Variants in CTNNA3 observed in about 807,000 individuals in gnomAD.
The protein encoded by CTNNA3 is catenin alpha 3, also known as catenin alpha-3.
Under a neutral mutation model 95.7 loss-of-function variants are expected in CTNNA3, and 76 were observed. The observed-to-expected ratio is 0.79, with a 90% CI of 0.66 to 0.96. CTNNA3 has a LOEUF of 0.96. Among genes scored for constraint, CTNNA3 ranks in the 40% least tolerant of loss-of-function variants. The pLI is 0.00. For missense variants in CTNNA3, 1,191 were observed against 1,089.8 expected (o/e 1.09, Z -1.31); for synonymous variants, 431 against 374.4 (o/e 1.15, Z -1.74).
intron 14 of CTNNA3, among the ~76,000 whole-genome samples, chr10:66,089,207 C>G (rs2081115507): frequency 6.6e-6 from 1 of 151,578 alleles, no homozygotes; most frequent in South Asian, 2.1e-4. Context: ...ATATAGGGCC[C>G]TTTGTTGTTG....
rs1421493799 is a variant in CTNNA3, at chr10:66,883,984, T to C, written c.1048-108460A>G. Among the ~76,000 whole-genome samples, 5 of 152,224 alleles carry C rather than the reference T, an allele frequency of 3.3e-5. No individual in the cohort carries two copies. The East Asian group carries it at 7.7e-4, about 24-fold the overall frequency. ...GAAAGTTCAAGACTGGGCATCTGCA[T>C]CTGGTGAAGGCCTCAGGTTGCTTCC... On this transcript the variant is annotated intron_variant, in intron 7 of 17. Coordinates refer to ENST00000433211, the MANE Select transcript of CTNNA3 (RefSeq NM_013266.4).
chr10:66,560,113 T>A (rs1842507586), intron 10 of CTNNA3, among the ~76,000 whole-genome samples: 1 of 152,122 alleles, frequency 6.6e-6, no homozygotes, highest in African/African-American at 2.4e-5. Context: ...GTTAAAAGTG[T>A]AAACTCAACA....
intron 1 of CTNNA3, among the ~76,000 whole-genome samples, chr10:67,686,352 G>A (rs1181072805): frequency 6.6e-6 from 1 of 152,172 alleles, no homozygotes; most frequent in Non-Finnish European, 1.5e-5. Context: ...CGGTATATAG[G>A]TTAAGGTCAG....
intron 7 of CTNNA3, among the ~76,000 whole-genome samples, chr10:67,158,223 T>C (rs963366702): frequency 6.6e-6 from 1 of 151,624 alleles, no homozygotes; most frequent in Non-Finnish European, 1.5e-5. Flanking sequence ...CCGCGAAAAA[T>C]GAAGCATAGC....
At chr10:67,006,410 T>C (rs1851992553) in intron 7 of CTNNA3, among the ~76,000 whole-genome samples, 1 of 152,182 alleles carries the variant, frequency 6.6e-6, no homozygotes, top group Non-Finnish European at 1.5e-5. Context: ...TCTCCCTCTT[T>C]CTGTGCTATG....
chr10:67,457,103 T>C (rs1255102682), intron 5 of CTNNA3, among the ~76,000 whole-genome samples: 1 of 152,120 alleles, frequency 6.6e-6, no homozygotes, highest in Non-Finnish European at 1.5e-5. Context: ...ATAGCTAATA[T>C]AAGAAATACT....
intron 7 of CTNNA3, among the ~76,000 whole-genome samples, chr10:67,102,440 A>G (rs2131948029): frequency 6.6e-6 from 1 of 151,928 alleles, no homozygotes; most frequent in Admixed American, 6.6e-5. Flanking sequence ...GAGGCAACTT[A>G]TATTTAATTT....
chr10:66,890,701 G>A (rs1845234791), intron 7 of CTNNA3, among the ~76,000 whole-genome samples: 1 of 152,128 alleles, frequency 6.6e-6, no homozygotes, highest in African/African-American at 2.4e-5. Context: ...ACGGAGATGA[G>A]CAGTTGTGGT....
At chr10:65,922,480 C>G (rs1321605239) in intron 17 of CTNNA3, among the ~76,000 whole-genome samples, 2 of 152,042 alleles carry the variant, frequency 1.3e-5, no homozygotes, top group Non-Finnish European at 2.9e-5. Flanking sequence ...TATTTCATAA[C>G]AAAACATTTT....
At chr10:66,389,543 T>C (rs2092919661) in intron 11 of CTNNA3, among the ~76,000 whole-genome samples, 1 of 152,090 alleles carries the variant, frequency 6.6e-6, no homozygotes, top group Non-Finnish European at 1.5e-5. Flanking sequence ...TGTTGGAAAA[T>C]AGTAATACAT....
At chr10:66,499,466 A>T (rs567130250) in intron 11 of CTNNA3, among the ~76,000 whole-genome samples, 38 of 152,294 alleles carry the variant, frequency 2.5e-4, no homozygotes, top group African/African-American at 9.1e-4. Context: ...TTTTGACATT[A>T]AAAAAGATAC....
chr10:67,709,999 G>T (rs137914719), intron 1 of CTNNA3, among the ~76,000 whole-genome samples: 2 of 152,048 alleles, frequency 1.3e-5, no homozygotes, highest in Non-Finnish European at 2.9e-5. Flanking sequence ...CACAACTACC[G>T]TGACAACCAA....
intron 5 of CTNNA3, among the ~76,000 whole-genome samples, chr10:67,329,025 T>G (rs1245611436): frequency 1.3e-5 from 2 of 152,216 alleles, no homozygotes; most frequent in African/African-American, 4.8e-5. Flanking sequence ...GTAATCACTC[T>G]TTCTAATTGA....
intron 1 of CTNNA3, among the ~76,000 whole-genome samples, chr10:67,745,963 T>C (rs1271938332): frequency 6.6e-6 from 1 of 152,104 alleles, no homozygotes; most frequent in African/African-American, 2.4e-5. Context: ...TGTTCATGGA[T>C]TGGAAGAAAT....
intron 9 of CTNNA3, among the ~76,000 whole-genome samples, chr10:66,753,576 C>T (rs1379706276): frequency 6.6e-6 from 1 of 151,546 alleles, no homozygotes; most frequent in Non-Finnish European, 1.5e-5. Context: ...GCAGGAGAAT[C>T]GCTTGAACCT....
At chr10:66,341,157 A>T (rs1323688182) in intron 12 of CTNNA3, among the ~76,000 whole-genome samples, 1 of 151,916 alleles carries the variant, frequency 6.6e-6, no homozygotes, top group Non-Finnish European at 1.5e-5. Context: ...AGTTAAAAGA[A>T]GATGAAACAA....
intron 7 of CTNNA3, among the ~76,000 whole-genome samples, chr10:66,958,296 C>G (rs1165018586): frequency 7.3e-6 from 1 of 136,528 alleles, no homozygotes; most frequent in Non-Finnish European, 1.5e-5. Context: ...TTTTCCTCCA[C>G]CTGCTTTCTT....
At chr10:66,493,573 AG>A (rs1233340869) in intron 11 of CTNNA3, among the ~76,000 whole-genome samples, 5 of 148,850 alleles carry the variant, frequency 3.4e-5, no homozygotes, top group African/African-American at 5.0e-5. Context: ...GTTGGGGAGA[AG>A]GGTTGGCTAA....
intron 1 of CTNNA3, among the ~76,000 whole-genome samples, chr10:67,655,587 G>A (rs919804816): frequency 5.3e-5 from 8 of 152,150 alleles, no homozygotes; most frequent in African/African-American, 1.9e-4. Flanking sequence ...CTGAGGTCAG[G>A]AGTTCAGGAC....
Sources: gnomAD v4.1 joint callset for allele counts (sites outside exome capture counted in the v4.1 genomes callset) on GRCh38, gnomAD v4.1.1 for gene constraint, MANE v1.5 for transcripts, NCBI Gene and HGNC (gene_info 2026-07-23, HGNC 2026-07-21) for gene names.